Variants in STK32B observed in about 807,000 individuals in gnomAD.
STK32B encodes the protein serine/threonine kinase 32B, also known as serine/threonine-protein kinase 32B.
A neutral mutation model predicts 52.6 loss-of-function variants in STK32B; 43 were observed. That is an observed-to-expected ratio of 0.82 (90% CI 0.64 to 1.05). The LOEUF (loss-of-function observed/expected upper bound fraction) is 1.05, where lower values mean the gene tolerates loss of function less well. Among genes scored for constraint, STK32B ranks in the 50% least tolerant of loss-of-function variants. The pLI is 0.00. For missense variants in STK32B, 621 were observed against 534.6 expected (o/e 1.16, Z -1.59); for synonymous variants, 238 against 204.3 (o/e 1.17, Z -1.41).
intron 3 of STK32B, among the ~76,000 whole-genome samples, chr4:5,279,062 C>T (rs1443694401): frequency 6.6e-6 from 1 of 152,142 alleles, no homozygotes. Flanking sequence ...CCTGACCCCT[C>T]CCAAATCTCA....
chr4:5,441,443 G>C (rs1714741762), intron 6 of STK32B, among the ~76,000 whole-genome samples: 1 of 150,468 alleles, frequency 6.6e-6, no homozygotes, highest in Non-Finnish European at 1.5e-5. Flanking sequence ...TGTGGGATCA[G>C]TGGTGATATC....
At chr4:5,132,723 G>A (rs918049956) in intron 1 of STK32B, among the ~76,000 whole-genome samples, 1 of 152,018 alleles carries the variant, frequency 6.6e-6, no homozygotes, top group Admixed American at 6.5e-5. Flanking sequence ...AACCTACCAA[G>A]TATATGGCCA....
Position 5,396,575 on chromosome 4 carries a change from A to T in STK32B, c.435-1632A>T, listed in dbSNP as rs1736934835. 6.6e-6 allele frequency among the ~76,000 whole-genome samples: 1 copy of T among 151,722 alleles called. No individual in the cohort carries two copies. On this transcript the variant is annotated intron_variant, in intron 4 of 11. Transcript: ENST00000282908. The surrounding 1 kb of genome is among the most constrained non-coding windows in gnomAD (Gnocchi z 4.7). ...CCACCCTCACCTCACCTGTGTCCTGACTCTAACTCTATCTTTAGGCTGTGG... is the reference window on the plus strand; with the variant it reads ...CCACCCTCACCTCACCTGTGTCCTGTCTCTAACTCTATCTTTAGGCTGTGG...
rs1400461347 is a variant in STK32B, at chr4:5,500,325, A to G, written c.*1242A>G. 6.6e-6 allele frequency: 1 copy of G among 152,208 alleles called. No homozygotes were observed. The highest frequency in any genetic ancestry group is 1.5e-5 in the Non-Finnish European group (1 of 68,046). The allele number at this position is 152,208 out of a possible 1,614,324, so 9.4% of individuals were successfully genotyped here. A position where few individuals can be genotyped will look rare whatever the true frequency, so the allele number is the denominator to read the frequency against. ...TATTGCAGGGGAGTTACAGGGTTAAATAAGATCCTGTGTGTAACCCCAAGC... is the reference window on the plus strand; with the variant it reads ...TATTGCAGGGGAGTTACAGGGTTAAGTAAGATCCTGTGTGTAACCCCAAGC... On this transcript the variant is annotated 3_prime_UTR_variant, in exon 12 of 12. Coordinates refer to ENST00000282908, the MANE Select transcript of STK32B (RefSeq NM_018401.3).
chr4:5,334,139 C>T (rs1732466134), intron 4 of STK32B, among the ~76,000 whole-genome samples: 2 of 151,778 alleles, frequency 1.3e-5, no homozygotes, highest in Admixed American at 6.6e-5. Flanking sequence ...TCTTTGTATC[C>T]TCTTTTATTT....
At chr4:5,187,594 C>A (rs1037116435) in intron 3 of STK32B, among the ~76,000 whole-genome samples, 1 of 26,760 alleles carries the variant, frequency 3.7e-5, no homozygotes, top group African/African-American at 2.3e-4. Context: ...TGGGGTGTGT[C>A]GGGGCAGGGT....
At chr4:5,264,954 C>G (rs1164573381) in intron 3 of STK32B, among the ~76,000 whole-genome samples, 2 of 152,038 alleles carry the variant, frequency 1.3e-5, no homozygotes, top group South Asian at 2.1e-4. Flanking sequence ...TTTGGATGAA[C>G]TGCCATTTTT....
chr4:5,476,337 A>G (rs1055262439), intron 11 of STK32B, among the ~76,000 whole-genome samples: 1 of 152,188 alleles, frequency 6.6e-6, no homozygotes, highest in Admixed American at 6.5e-5. Context: ...CTGTTTCACT[A>G]TCCCCCTTCT....
At chr4:5,109,788 A>G (rs1200785643) in intron 1 of STK32B, among the ~76,000 whole-genome samples, 1 of 152,234 alleles carries the variant, frequency 6.6e-6, no homozygotes, top group Non-Finnish European at 1.5e-5. Flanking sequence ...GGAGAGAGAG[A>G]TAAAAGGTAT....
chr4:5,192,907 C>G (rs1721334917), intron 3 of STK32B, among the ~76,000 whole-genome samples: 1 of 152,216 alleles, frequency 6.6e-6, no homozygotes, highest in Non-Finnish European at 1.5e-5. Flanking sequence ...CCGTTCCACT[C>G]TCTGCTTCTA....
Position 5,270,309 on chromosome 4 carries a change from G to A in STK32B, c.261-60911G>A, listed in dbSNP as rs537385822. On this transcript the variant is annotated intron_variant, in intron 3 of 11. Transcript: ENST00000282908. ...CTGAAGAACTTGGAGTCTGATGCTC[G>A]AAGGCAGGAAGCATCCAGCACTGGA... 8.5e-5 allele frequency among the ~76,000 whole-genome samples: 13 copies of A among 152,282 alleles called. No homozygotes were observed. The South Asian group carries it at 2.5e-3, about 29-fold the overall frequency.
intron 3 of STK32B, among the ~76,000 whole-genome samples, chr4:5,314,585 A>G (rs113660888): frequency 0.12 from 17,762 of 152,104 alleles, 2,624 homozygotes; most frequent in African/African-American, 0.35. Context: ...CAGGAGAATC[A>G]CTTGAACCCA....
At chr4:5,143,699 G>A (rs1460925960) in intron 2 of STK32B, among the ~76,000 whole-genome samples, 1 of 152,016 alleles carries the variant, frequency 6.6e-6, no homozygotes, top group Non-Finnish European at 1.5e-5. Flanking sequence ...TCTCTGCCTG[G>A]CACTCACACT....
intron 3 of STK32B, among the ~76,000 whole-genome samples, chr4:5,324,320 C>G (rs184963795): frequency 6.6e-6 from 1 of 152,040 alleles, no homozygotes; most frequent in Non-Finnish European, 1.5e-5. Context: ...CACCACTGCA[C>G]CCCAGCCTGG....
intron 3 of STK32B, among the ~76,000 whole-genome samples, chr4:5,297,200 G>T (rs1192352932): frequency 6.6e-6 from 1 of 152,154 alleles, no homozygotes; most frequent in African/African-American, 2.4e-5. Flanking sequence ...CTCTCTGGCT[G>T]CCCTTAACAT....
intron 1 of STK32B, among the ~76,000 whole-genome samples, chr4:5,072,105 C>T (rs1711821117): frequency 6.6e-6 from 1 of 152,008 alleles, no homozygotes; most frequent in African/African-American, 2.4e-5. Context: ...ATGGCTGAAA[C>T]CTATAGGGCA....
intron 1 of STK32B, among the ~76,000 whole-genome samples, chr4:5,088,795 C>T (rs1382576446): frequency 6.6e-6 from 1 of 151,746 alleles, no homozygotes; most frequent in Non-Finnish European, 1.5e-5. Flanking sequence ...GCAGTGAAAG[C>T]AGTGCTCAGA....
chr4:5,276,041 C>A (rs1176732916), intron 3 of STK32B, among the ~76,000 whole-genome samples: 1 of 152,128 alleles, frequency 6.6e-6, no homozygotes, highest in Non-Finnish European at 1.5e-5. Context: ...GTAACCCCAG[C>A]ACTTTCGGAG....
intron 3 of STK32B, among the ~76,000 whole-genome samples, chr4:5,215,320 A>G (rs1409637052): frequency 6.6e-6 from 1 of 152,170 alleles, no homozygotes; most frequent in Non-Finnish European, 1.5e-5. Context: ...TTGGGAGTTT[A>G]AAGATCTTTA....
Sources: gnomAD v4.1 joint callset for allele counts (sites outside exome capture counted in the v4.1 genomes callset) on GRCh38, gnomAD v4.1.1 for gene constraint, Gnocchi (gnomAD v3.1) non-coding constraint, MANE v1.5 for transcripts, NCBI Gene and HGNC (gene_info 2026-07-23, HGNC 2026-07-21) for gene names.